Variants in CBFA2T2 observed in about 807,000 individuals in gnomAD.
CBFA2T2 encodes the protein CBFA2/RUNX1 partner transcriptional co-repressor 2, also known as protein CBFA2T2.
CBFA2T2 carries 11 observed loss-of-function variants against 62.2 expected under a neutral mutation model. That is an observed-to-expected ratio of 0.18 (90% CI 0.11 to 0.29). CBFA2T2 has a LOEUF of 0.29. Among genes scored for constraint, CBFA2T2 ranks in the 10% least tolerant of loss-of-function variants. The pLI, the probability that CBFA2T2 is intolerant of heterozygous loss-of-function variation, is 1.00. For synonymous variants in CBFA2T2, 295 were observed against 287.5 expected, an observed-to-expected ratio of 1.03 and a Z score of -0.27; for missense variants, 592 against 774.1, an observed-to-expected ratio of 0.76 and a Z score of 2.79.
rs2017189703 is a variant in CBFA2T2, at chr20:33,649,859, A to C, written c.*5213A>C. ...GGATGATGAATGTGACACCACCCACAGAATGCATTAGAATCTGGTTTTTCT... is the reference window on the plus strand; with the variant it reads ...GGATGATGAATGTGACACCACCCACCGAATGCATTAGAATCTGGTTTTTCT... On this transcript the variant is annotated 3_prime_UTR_variant, in exon 11 of 11. Transcript: ENST00000342704. 6.6e-6 allele frequency: 1 copy of C among 152,652 alleles called. No individual in the cohort carries two copies. The highest frequency in any genetic ancestry group is 1.5e-5 in the Non-Finnish European group (1 of 68,052). 9.5% of individuals were successfully genotyped at this position (152,652 alleles called of 1,614,324 possible). A position where few individuals can be genotyped will look rare whatever the true frequency, so the allele number is the denominator to read the frequency against.
intron 1 of CBFA2T2, among the ~76,000 whole-genome samples, chr20:33,503,090 CAAAAAAA>C (rs35577702): frequency 1.9e-5 from 1 of 52,824 alleles, no homozygotes; most frequent in Non-Finnish European, 3.2e-5. Flanking sequence ...GACTCTGTCT[CAAAAAAA>C]AAAAAAAAAA....
intron 1 of CBFA2T2, among the ~76,000 whole-genome samples, chr20:33,558,138 T>C (rs187338028): frequency 0.015 from 2,165 of 147,282 alleles, 52 homozygotes; most frequent in African/African-American, 0.05. Flanking sequence ...CGCTCTCTCT[T>C]TTTTTTTTTT....
At chr20:33,639,080 AG>A (rs2016728839) in intron 9 of CBFA2T2, 22 of 152,218 alleles carry the variant, frequency 1.4e-4, no homozygotes, top group Admixed American at 1.4e-3. Context: ...GCCTAGCTTT[AG>A]CATTCTTCTC....
rs900303369 is a variant in CBFA2T2, at chr20:33,529,305, G to A, written c.34+39004G>A. Among the ~76,000 whole-genome samples, 4 of 152,056 alleles carry A rather than the reference G, an allele frequency of 2.6e-5. 1 individual carries two copies. The highest frequency in any genetic ancestry group is 2.1e-4 in the South Asian group (1 of 4,826). On this transcript the variant is annotated intron_variant, in intron 1 of 10. Coordinates refer to ENST00000342704, the MANE Select transcript of CBFA2T2 (RefSeq NM_001032999.3). ...CTCCCAAAGTGCTAGGATTACAGGC[G>A]TGAGCCACCGCGCCCAGTGCACCAG... is the stretch of plus-strand genomic sequence containing the variant.
At chr20:33,579,535 T>G (rs1333296771) in intron 1 of CBFA2T2, among the ~76,000 whole-genome samples, 7 of 152,032 alleles carry the variant, frequency 4.6e-5, no homozygotes, top group Non-Finnish European at 1.0e-4. Context: ...GGGGTATTAT[T>G]TTACAACCCA....
intron 1 of CBFA2T2, among the ~76,000 whole-genome samples, chr20:33,499,369 TGAA>T (rs1339737341): frequency 6.6e-6 from 1 of 152,218 alleles, no homozygotes; most frequent in Non-Finnish European, 1.5e-5. Context: ...TGGAGGCTAA[TGAA>T]GAAGAATCAC....
At chr20:33,637,725 C>T (rs973836818) in intron 9 of CBFA2T2, among the ~76,000 whole-genome samples, 87 of 149,872 alleles carry the variant, frequency 5.8e-4, no homozygotes, top group African/African-American at 1.2e-3. Context: ...TGGAGTGCAA[C>T]GGTGTGATCT....
chr20:33,634,542 T>A (rs971924208), intron 8 of CBFA2T2, among the ~76,000 whole-genome samples: 23 of 151,886 alleles, frequency 1.5e-4, no homozygotes, highest in African/African-American at 5.6e-4. Flanking sequence ...TGTGGTGGTA[T>A]GTGCCTATAG....
At chr20:33,584,043 G>T (rs931264514) in intron 1 of CBFA2T2, among the ~76,000 whole-genome samples, 1 of 152,056 alleles carries the variant, frequency 6.6e-6, no homozygotes, top group Non-Finnish European at 1.5e-5. Context: ...TGCCTCCCAG[G>T]TTCAAGTGAT....
At chr20:33,513,848 CTGTT>C (rs2011551960) in intron 1 of CBFA2T2, among the ~76,000 whole-genome samples, 1 of 149,136 alleles carries the variant, frequency 6.7e-6, no homozygotes, top group Admixed American at 6.7e-5. Context: ...AATGTTGTAC[CTGTT>C]TAATATATTT....
intron 1 of CBFA2T2, among the ~76,000 whole-genome samples, chr20:33,558,459 C>G (rs1341369989): frequency 6.6e-6 from 1 of 152,108 alleles, no homozygotes; most frequent in East Asian, 1.9e-4. Flanking sequence ...TGTATAGGTT[C>G]TGCTCCTAAC....
chr20:33,637,824 C>T (rs991006827), intron 9 of CBFA2T2, among the ~76,000 whole-genome samples: 20 of 152,002 alleles, frequency 1.3e-4, no homozygotes, highest in African/African-American at 4.6e-4. Flanking sequence ...TGCACCACCA[C>T]GCCTGGCTAA....
chr20:33,513,583 G>A (rs1308923620), intron 1 of CBFA2T2, among the ~76,000 whole-genome samples: 8 of 151,432 alleles, frequency 5.3e-5, no homozygotes, highest in African/African-American at 1.7e-4. Context: ...GGCAGGTCTC[G>A]AACTCTTGAC....
intron 10 of CBFA2T2, among the ~76,000 whole-genome samples, chr20:33,642,292 C>T (rs1258545806): frequency 6.6e-6 from 1 of 152,044 alleles, no homozygotes; most frequent in Non-Finnish European, 1.5e-5. Flanking sequence ...AGCTTCTCCT[C>T]CTCCTTTTTC....
chr20:33,627,154 T>G (rs1453632235), intron 6 of CBFA2T2, among the ~76,000 whole-genome samples: 1 of 152,030 alleles, frequency 6.6e-6, no homozygotes, highest in Non-Finnish European at 1.5e-5. Flanking sequence ...TCCCAGCACT[T>G]TGGGAGGCCT....
At chr20:33,612,113 A>C (rs2015553191) in intron 3 of CBFA2T2, among the ~76,000 whole-genome samples, 1 of 152,230 alleles carries the variant, frequency 6.6e-6, no homozygotes, top group African/African-American at 2.4e-5. Context: ...AAGGGATTGC[A>C]TTGTTCAGCT....
intron 10 of CBFA2T2, among the ~76,000 whole-genome samples, 194 bp downstream of exon 10, chr20:33,640,725 C>T (rs917495840): frequency 1.3e-5 from 2 of 151,650 alleles, no homozygotes; most frequent in African/African-American, 2.4e-5. Context: ...TGAATTATTA[C>T]ATTGTATTTT....
chr20:33,495,248 A>G (rs957246404), intron 1 of CBFA2T2, among the ~76,000 whole-genome samples: 5 of 152,002 alleles, frequency 3.3e-5, no homozygotes, highest in African/African-American at 1.2e-4. Flanking sequence ...AAATACAAAA[A>G]GAAGCTGGCT....
rs2011134702 is a variant in CBFA2T2 at position 33,490,100 on chromosome 20, G to A, written c.-168G>A. On this transcript the variant is annotated 5_prime_UTR_variant, in exon 1 of 11. Transcript: ENST00000342704. ...GGGGCGCGGCCTAACGGCGGCGGCG[G>A]CGGCGGCGACGGCGACAGCAGCGGT... is the stretch of plus-strand genomic sequence containing the variant. 1 of 646,942 alleles carries A rather than the reference G, an allele frequency of 1.5e-6. No homozygotes were observed. The highest frequency in any genetic ancestry group is 2.0e-6 in the Non-Finnish European group (1 of 493,944). The allele number at this position is 646,942 out of a possible 1,614,324, so 40.1% of individuals were successfully genotyped here.
Sources: allele counts gnomAD v4.1 joint callset (sites outside exome capture counted in the v4.1 genomes callset), GRCh38; gene constraint gnomAD v4.1.1; transcripts MANE v1.5; gene names NCBI Gene and HGNC (gene_info 2026-07-23, HGNC 2026-07-21).